Variants in KDM1B observed in about 807,000 individuals in gnomAD.
KDM1B encodes lysine-specific histone demethylase 2.
A neutral mutation model predicts 107.4 loss-of-function variants in KDM1B; 63 were observed. The ratio of observed to expected loss-of-function variants is 0.59; its 90% CI spans 0.48 to 0.72. The LOEUF (loss-of-function observed/expected upper bound fraction) is 0.72, where lower values mean the gene tolerates loss of function less well. Ranked by LOEUF, KDM1B falls within the 30% of genes least tolerant of loss-of-function variation. The pLI is 0.00. For synonymous variants in KDM1B, 363 were observed against 363.9 expected (o/e 1.00, Z 0.03); for missense variants, 749 against 1,020.8 (o/e 0.73, Z 3.63).
rs896747437 is a variant in KDM1B, at chr6:18,186,969, T to C, written c.574-823T>C. Among the ~76,000 whole-genome samples the C allele has an allele frequency of 2.5e-5, 2 of 80,650 alleles. No individual in the cohort carries two copies. The highest frequency in any genetic ancestry group is 5.5e-5 in the African/African-American group (1 of 18,312). 52.9% of individuals were successfully genotyped at this position (80,650 alleles called of 152,430 possible). On this transcript the variant is annotated intron_variant, in intron 8 of 21. Coordinates refer to ENST00000650836, the MANE Select transcript of KDM1B (RefSeq NM_001364614.2). This position sits in a 1 kb window ranked among gnomAD's most constrained non-coding sequence, Gnocchi z 5.6. ...ATATCAGTATGTATATATGTGTGTG[T>C]GTGTACACACACACACACACACACA... is the stretch of plus-strand genomic sequence containing the variant.
chr6:18,184,674 A>G (rs1353715305), intron 7 of KDM1B, among the ~76,000 whole-genome samples: 3 of 149,218 alleles, frequency 2.0e-5, no homozygotes, highest in South Asian at 2.1e-4. Flanking sequence ...TTGTTTGACT[A>G]TAATACAATT....
rs137981958 is a variant in KDM1B at position 18,163,218 on chromosome 6, A to G, written c.305+294A>G. Among the ~76,000 whole-genome samples, 693 of 151,246 alleles carry G rather than the reference A, an allele frequency of 4.6e-3. 8 individuals carry two copies. Among genetic ancestry groups the G allele is most frequent in the African/African-American group, 0.015 (637 of 41,196 alleles). Reference sequence around the variant, plus strand: ...AGAGACATAATTTCAGCTTACTGCAACCTCCAACTTCTGGGTTCCTTAATA... The same window carrying G: ...AGAGACATAATTTCAGCTTACTGCAGCCTCCAACTTCTGGGTTCCTTAATA... On this transcript the variant is annotated intron_variant, in intron 5 of 21. Transcript: ENST00000650836.
chr6:18,190,760 T>C (rs1787227064), intron 9 of KDM1B, among the ~76,000 whole-genome samples: 2 of 151,642 alleles, frequency 1.3e-5, no homozygotes, highest in Admixed American at 1.3e-4. Flanking sequence ...ATTAGCCAGA[T>C]GTGGTGGCGA....
chr6:18,196,279 G>T (rs1417052571), intron 10 of KDM1B, among the ~76,000 whole-genome samples: 1 of 152,176 alleles, frequency 6.6e-6, no homozygotes, highest in Non-Finnish European at 1.5e-5. Flanking sequence ...TGATAATGCT[G>T]CAATGAACAT....
At chr6:18,184,601 G>A (rs1389695234) in intron 7 of KDM1B, among the ~76,000 whole-genome samples, 1 of 151,946 alleles carries the variant, frequency 6.6e-6, no homozygotes, top group Non-Finnish European at 1.5e-5. Context: ...GCCCAACATT[G>A]TGAGATGTGT....
chr6:18,187,037 T>C (rs1207048), intron 8 of KDM1B, among the ~76,000 whole-genome samples: 26,898 of 148,480 alleles, frequency 0.18, 3,979 homozygotes, highest in African/African-American at 0.41. Flanking sequence ...ATTTTTTTTT[T>C]CCCCGAATTC....
rs1785712573 is a variant in KDM1B at position 18,172,262 on chromosome 6, G to A, written c.534+783G>A. 1.3e-5 allele frequency among the ~76,000 whole-genome samples: 2 copies of A among 152,122 alleles called. No homozygotes were observed. The highest frequency in any genetic ancestry group is 4.1e-4 in the South Asian group (2 of 4,834). On this transcript the variant is annotated intron_variant, in intron 7 of 21. Coordinates refer to ENST00000650836, the MANE Select transcript of KDM1B (RefSeq NM_001364614.2). The surrounding 1 kb of genome is among the most constrained non-coding windows in gnomAD (Gnocchi z 5.2). ...TTATTATTGCTTTAGTGCGTTAAGG[G>A]TGTTAGTCTACACAAATGCCACTGG...
In KDM1B at chr6:18,197,652, T is replaced by C. The variant is rs1787734683; in HGVS notation, c.1212T>C (p.Phe404=). Residue 404 remains phenylalanine (F), a synonymous_variant, in exon 12 of 22, where the codon TTT becomes TTC. Coordinates refer to ENST00000650836, the MANE Select transcript of KDM1B (RefSeq NM_001364614.2). The surrounding 1 kb of genome is among the most constrained non-coding windows in gnomAD (Gnocchi z 4.5). Reference sequence around the variant, plus strand: ...CAGCTGCTAGGCAACTGCATAACTTTGGAATTAAGGTAGGATTTTGGGGAC... The same window carrying C: ...CAGCTGCTAGGCAACTGCATAACTTCGGAATTAAGGTAGGATTTTGGGGAC... ...GLAAARQLHN[F]GIKVTVLEAK... 1 of 1,613,594 alleles carries C rather than the reference T, an allele frequency of 6.2e-7. No homozygotes were observed. The highest frequency in any genetic ancestry group is 1.3e-5 in the African/African-American group (1 of 74,918).
At chr6:18,208,349 T>C (rs214595) in intron 17 of KDM1B, 143 bp downstream of exon 17, 202,952 of 597,208 alleles carry the variant, frequency 0.34, 36,008 homozygotes, top group South Asian at 0.47. Flanking sequence ...TATGTATCTC[T>C]ACTTAATTGT....
Position 18,197,778 on chromosome 6 carries a change from G to A in KDM1B, c.1221+117G>A, listed in dbSNP as rs1017319288. ...GTGAAGAATACTAAATACATTATAT[G>A]TTTATATTAGGTCCTAGAAAAGTTA... On this transcript the variant is annotated intron_variant, in intron 12 of 21. Transcript: ENST00000650836. This position sits in a 1 kb window ranked among gnomAD's most constrained non-coding sequence, Gnocchi z 4.5. 125 of 630,868 alleles carry A rather than the reference G, an allele frequency of 2.0e-4. No individual in the cohort carries two copies. The highest frequency in any genetic ancestry group is 2.7e-4 in the Non-Finnish European group (100 of 364,432). 39.1% of individuals were successfully genotyped at this position (630,868 alleles called of 1,614,324 possible).
intron 7 of KDM1B, 98 bp from the exon 8 acceptor site, chr6:18,185,674 C>G: frequency 9.2e-7 from 1 of 1,081,340 alleles, no homozygotes; most frequent in Non-Finnish European, 1.4e-6. Context: ...TCTTTGCCAG[C>G]CTGATAGGTG....
At chr6:18,187,260 C>T (rs1786928413) in intron 8 of KDM1B, among the ~76,000 whole-genome samples, 1 of 152,140 alleles carries the variant, frequency 6.6e-6, no homozygotes, top group African/African-American at 2.4e-5. Flanking sequence ...CATTTGGCGT[C>T]TTATTTTGAT....
At chr6:18,208,419 A>G in intron 17 of KDM1B, among the ~76,000 whole-genome samples, 1 of 151,388 alleles carries the variant, frequency 6.6e-6, no homozygotes, top group Non-Finnish European at 1.5e-5. Context: ...TGGCAGATGG[A>G]ATTCTGAATT....
In KDM1B at chr6:18,213,155, G is replaced by A. The variant is rs1283557214; in HGVS notation, c.1984-501G>A. Reference sequence around the variant, plus strand: ...GAGTGGCATCAAAAGCAAGGAGCTGGGCTGGGCACAGTGGCTCATGCCTGT... The same window carrying A: ...GAGTGGCATCAAAAGCAAGGAGCTGAGCTGGGCACAGTGGCTCATGCCTGT... On this transcript the variant is annotated intron_variant, in intron 18 of 21. Transcript: ENST00000650836. This position sits in a 1 kb window ranked among gnomAD's most constrained non-coding sequence, Gnocchi z 5.9. Among the ~76,000 whole-genome samples the A allele has an allele frequency of 6.6e-6, 1 of 152,154 alleles. No individual in the cohort carries two copies. The highest frequency in any genetic ancestry group is 1.5e-5 in the Non-Finnish European group (1 of 68,028).
chr6:18,157,881 C>A (rs1180007315), intron 2 of KDM1B, among the ~76,000 whole-genome samples: 2 of 137,596 alleles, frequency 1.5e-5, no homozygotes, highest in Non-Finnish European at 3.0e-5. Context: ...GGTGTGATCT[C>A]GGCTCACTGC....
Position 18,197,095 on chromosome 6 carries a change from C to T in KDM1B, c.1008C>T (p.Ile336=), listed in dbSNP as rs371196245. ...CTCAGAAATGTATTCCTCACATCATCGTCCGGGGTCTCGTGCGTATTCGAT... is the reference window on the plus strand; with the variant it reads ...CTCAGAAATGTATTCCTCACATCATTGTCCGGGGTCTCGTGCGTATTCGAT... ...LTPQKCIPHI[I]VRGLVRIRCV... The change falls in exon 11 of 22, where the codon ATC becomes ATT. Residue 336 remains isoleucine (I), a synonymous_variant. Transcript: ENST00000650836. This position sits in a 1 kb window ranked among gnomAD's most constrained non-coding sequence, Gnocchi z 4.5. 4.7e-5 allele frequency: 76 copies of T among 1,613,948 alleles called. No homozygotes were observed. In the East Asian group the frequency reaches 1.1e-3, roughly 23 times the overall value.
chr6:18,170,981 T>C (rs1248176862), intron 6 of KDM1B, among the ~76,000 whole-genome samples: 5 of 152,024 alleles, frequency 3.3e-5, no homozygotes, highest in Non-Finnish European at 5.9e-5. Flanking sequence ...CCACCACGCC[T>C]GGCTAACTTT....
At chr6:18,158,480 T>G (rs1453717474) in intron 2 of KDM1B, among the ~76,000 whole-genome samples, 1 of 152,166 alleles carries the variant, frequency 6.6e-6, no homozygotes, top group Non-Finnish European at 1.5e-5. Context: ...CTCACAAATA[T>G]GAAACAATAG....
intron 9 of KDM1B, 90 bp downstream of exon 9, chr6:18,188,092 T>C: frequency 8.3e-7 from 1 of 1,207,590 alleles, no homozygotes; most frequent in Non-Finnish European, 1.2e-6. Context: ...AGGATTTTTT[T>C]TAAATGTGCA....
Sources: gnomAD v4.1 joint callset for allele counts (sites outside exome capture counted in the v4.1 genomes callset) on GRCh38, gnomAD v4.1.1 for gene constraint, Gnocchi (gnomAD v3.1) non-coding constraint, MANE v1.5 for transcripts, NCBI Gene and HGNC (gene_info 2026-07-23, HGNC 2026-07-21) for gene names.